The following KCTD16 variants were observed in gnomAD, a reference collection of about 807,000 sequenced individuals.
KCTD16 encodes the protein BTB/POZ domain-containing protein KCTD16.
KCTD16 carries 13 observed loss-of-function variants against 33.2 expected under a neutral mutation model. The ratio of observed to expected loss-of-function variants is 0.39; its 90% CI spans 0.25 to 0.62. The LOEUF is 0.62. Ranked by LOEUF, KCTD16 falls within the 20% of genes least tolerant of loss-of-function variation. The pLI is 0.50. For missense variants in KCTD16, 441 were observed against 525.1 expected, an observed-to-expected ratio of 0.84 and a Z score of 1.57; for synonymous variants, 197 against 195.3, an observed-to-expected ratio of 1.01 and a Z score of -0.07.
At position 144,475,833 on chromosome 5, in the gene KCTD16, T is replaced by G. The variant is rs897080162; in HGVS notation, c.*1719T>G. 4 of 152,568 alleles carry G rather than the reference T, an allele frequency of 2.6e-5. No homozygotes were observed. Among genetic ancestry groups the G allele is most frequent in the Non-Finnish European group, 5.9e-5 (4 of 68,040 alleles). The allele number at this position is 152,568 out of a possible 1,614,324, so 9.5% of individuals were successfully genotyped here. On this transcript the variant is annotated 3_prime_UTR_variant, in exon 4 of 4. Coordinates refer to ENST00000512467, the MANE Select transcript of KCTD16 (RefSeq NM_020768.4). The stretch of plus-strand genomic sequence containing the variant: ...TCTGTTCTTAGTGATGATTAGTATA[T>G]GAATATCTTTCTGAATTTTTGTAAT...
chr5:144,185,663 A>G (rs1473940723), intron 2 of KCTD16, among the ~76,000 whole-genome samples: 1 of 152,126 alleles, frequency 6.6e-6, no homozygotes, highest in African/African-American at 2.4e-5. Context: ...CTCATGCAGT[A>G]TTACTAGACA....
intron 1 of KCTD16, among the ~76,000 whole-genome samples, chr5:144,172,228 G>C: frequency 6.6e-6 from 1 of 152,066 alleles, no homozygotes; most frequent in East Asian, 1.9e-4. Flanking sequence ...GAGACCAACA[G>C]GCAGCTGCCC....
intron 3 of KCTD16, among the ~76,000 whole-genome samples, chr5:144,346,635 G>T (rs1389144339): frequency 6.6e-6 from 1 of 152,034 alleles, no homozygotes; most frequent in Non-Finnish European, 1.5e-5. Flanking sequence ...CTTTTCATAT[G>T]TCTGCCATTT....
rs1305831642 is a variant in KCTD16, at chr5:144,484,368, A to T, written c.*10254A>T. The T allele has an allele frequency of 6.6e-6, 1 of 151,938 alleles. No homozygotes were observed. The highest frequency in any genetic ancestry group is 1.5e-5 in the Non-Finnish European group (1 of 67,892). The allele number at this position is 151,938 out of a possible 1,614,324, so 9.4% of individuals were successfully genotyped here. ...TTAGACTGGCAATGACACCCAGCTT[A>T]GTCTGTAAAATCAGGAATCTTTGTG... On this transcript the variant is annotated 3_prime_UTR_variant, in exon 4 of 4. Coordinates refer to ENST00000512467, the MANE Select transcript of KCTD16 (RefSeq NM_020768.4).
chr5:144,454,070 A>T (rs1275696892), intron 3 of KCTD16, among the ~76,000 whole-genome samples: 1 of 152,210 alleles, frequency 6.6e-6, no homozygotes, highest in South Asian at 2.1e-4. Flanking sequence ...ACATTTTTCT[A>T]ATTAGTGTTC....
chr5:144,467,115 C>CTA (rs1754365146), intron 3 of KCTD16, among the ~76,000 whole-genome samples: 1 of 138,646 alleles, frequency 7.2e-6, no homozygotes, highest in African/African-American at 2.7e-5. Context: ...ATATATAACA[C>CTA]TATATATATT....
At chr5:144,343,701 T>C (rs543978315) in intron 3 of KCTD16, among the ~76,000 whole-genome samples, 1 of 152,334 alleles carries the variant, frequency 6.6e-6, no homozygotes, top group African/African-American at 2.4e-5. Context: ...TTTCCTGCTC[T>C]CTCTTGTTGG....
At chr5:144,405,088 T>C (rs183375183) in intron 3 of KCTD16, among the ~76,000 whole-genome samples, 50 of 152,338 alleles carry the variant, frequency 3.3e-4, no homozygotes, top group African/African-American at 1.1e-3. Flanking sequence ...ATTTTCCTCA[T>C]AGGGAGACTG....
At chr5:144,239,729 A>G (rs1322427821) in intron 3 of KCTD16, among the ~76,000 whole-genome samples, 1 of 152,164 alleles carries the variant, frequency 6.6e-6, no homozygotes. Flanking sequence ...TCTGATGAAA[A>G]ACCAATTACT....
Position 144,219,785 on chromosome 5 carries a change from A to G in KCTD16, c.832+12239A>G, listed in dbSNP as rs536069825. 3.9e-5 allele frequency among the ~76,000 whole-genome samples: 6 copies of G among 151,974 alleles called. No individual in the cohort carries two copies. In the East Asian group the frequency reaches 1.2e-3, roughly 29 times the overall value. On this transcript the variant is annotated intron_variant, in intron 3 of 3. Coordinates refer to ENST00000512467, the MANE Select transcript of KCTD16 (RefSeq NM_020768.4). ...ATGATCCACCCGCCTCGGCCTCCCA[A>G]AGTGTTGGGATTACAGGCGTGAAAC...
At chr5:144,473,523 T>G (rs528138101) in intron 3 of KCTD16, 137 bp from the exon 4 acceptor site, 1 of 850,322 alleles carries the variant, frequency 1.2e-6, no homozygotes, top group African/African-American at 1.7e-5. Flanking sequence ...CCACCCTGGG[T>G]GCCACCCCAC....
In KCTD16 at chr5:144,335,265, A is replaced by G. The variant is rs146085056; in HGVS notation, c.832+127719A>G. Among the ~76,000 whole-genome samples the G allele has an allele frequency of 1.5e-4, 23 of 152,388 alleles. No individual in the cohort carries two copies. In the East Asian group the frequency reaches 3.7e-3, roughly 24 times the overall value. On this transcript the variant is annotated intron_variant, in intron 3 of 3. Transcript: ENST00000512467. ...TTATTAAGCACCTACTGTGTACAGCATACTGCTAAAAGTGAGGGTATAAGA... is the reference window on the plus strand; with the variant it reads ...TTATTAAGCACCTACTGTGTACAGCGTACTGCTAAAAGTGAGGGTATAAGA...
rs532231030 is a variant in KCTD16, at chr5:144,408,005, C to T, written c.833-65655C>T. Among the ~76,000 whole-genome samples, 84 of 152,250 alleles carry T rather than the reference C, an allele frequency of 5.5e-4. No homozygotes were observed. In the Middle Eastern group the frequency reaches 0.014, roughly 25 times the overall value. On this transcript the variant is annotated intron_variant, in intron 3 of 3. Transcript: ENST00000512467. ...TGTAAATAGTGCTGCAATAAACATA[C>T]GTGTGCATGTGTCTTTATAGTAGAA...
chr5:144,407,125 G>A (rs1413946294), intron 3 of KCTD16, among the ~76,000 whole-genome samples: 5 of 151,880 alleles, frequency 3.3e-5, no homozygotes, highest in East Asian at 1.9e-4. Context: ...GGATGTGGGC[G>A]AGGGGAGTAG....
At chr5:144,220,940 CA>C (rs748978902) in intron 3 of KCTD16, among the ~76,000 whole-genome samples, 41 of 99,554 alleles carry the variant, frequency 4.1e-4, no homozygotes, top group East Asian at 9.2e-4. Flanking sequence ...GACTACGTCT[CA>C]AAAAAAAAAA....
chr5:144,336,311 G>C (rs1752491931), intron 3 of KCTD16, among the ~76,000 whole-genome samples: 1 of 152,194 alleles, frequency 6.6e-6, no homozygotes, highest in Non-Finnish European at 1.5e-5. Flanking sequence ...GCATAAAGGT[G>C]TGTGCAAGCC....
intron 3 of KCTD16, among the ~76,000 whole-genome samples, chr5:144,367,647 C>A (rs1003537821): frequency 1.3e-5 from 2 of 151,712 alleles, no homozygotes; most frequent in Non-Finnish European, 1.5e-5. Context: ...CTGTATCTTT[C>A]CCCCCATACT....
intron 2 of KCTD16, 68 bp downstream of exon 2, chr5:144,174,540 CAATTATATTTCCTCCA>C (rs1301604374): frequency 1.3e-5 from 2 of 152,206 alleles, no homozygotes; most frequent in Admixed American, 6.5e-5. Context: ...CCAAATATGA[CAATTATATTTCCTCCA>C]AATTATCTTT....
intron 3 of KCTD16, among the ~76,000 whole-genome samples, chr5:144,463,182 T>A (rs1754242416): frequency 2.0e-5 from 3 of 152,186 alleles, no homozygotes; most frequent in Non-Finnish European, 4.4e-5. Flanking sequence ...GCAAATGAGA[T>A]TAATTCTTTG....
Sources: allele counts gnomAD v4.1 joint callset (sites outside exome capture counted in the v4.1 genomes callset), GRCh38; gene constraint gnomAD v4.1.1; transcripts MANE v1.5; gene names NCBI Gene and HGNC (gene_info 2026-07-23, HGNC 2026-07-21).